SLC25A25: variants seen among roughly 807,000 people sequenced by gnomAD.
SLC25A25 encodes mitochondrial adenyl nucleotide antiporter SLC25A25.
SLC25A25 carries 32 observed loss-of-function variants against 57.7 expected under a neutral mutation model. The observed-to-expected ratio is 0.55, with a 90% CI of 0.42 to 0.74. The LOEUF (loss-of-function observed/expected upper bound fraction) is 0.74. SLC25A25 is among the 30% of genes least tolerant of loss of function. The pLI is 0.00. For missense variants in SLC25A25, 556 were observed against 701.3 expected, an observed-to-expected ratio of 0.79 and a Z score of 2.34; for synonymous variants, 306 against 291.2, an observed-to-expected ratio of 1.05 and a Z score of -0.52.
chr9:128,092,302 G>T (rs1340841549), intron 1 of SLC25A25, among the ~76,000 whole-genome samples: 4 of 152,218 alleles, frequency 2.6e-5, no homozygotes, highest in Non-Finnish European at 5.9e-5. Flanking sequence ...GCACCCCAGT[G>T]TGGCTGTTGA....
intron 1 of SLC25A25, among the ~76,000 whole-genome samples, chr9:128,080,734 C>G (rs1261320037): frequency 2.0e-5 from 3 of 152,172 alleles, no homozygotes; most frequent in Non-Finnish European, 4.4e-5. Context: ...CATTGTTGGC[C>G]TTTTCTATCC....
rs1477641531 is a variant in SLC25A25 at position 128,099,360 on chromosome 9, T to C, written c.262-1736T>C. ...GCCCTGTGAGGCAGAAGCAAGCACT[T>C]TGAGAATGCGTTGAAGCCAGCTGCG... is the stretch of plus-strand genomic sequence containing the variant. On this transcript the variant is annotated intron_variant, in intron 1 of 10. Coordinates refer to ENST00000373069, the MANE Select transcript of SLC25A25 (RefSeq NM_001330988.2). This position sits in a 1 kb window ranked among gnomAD's most constrained non-coding sequence, Gnocchi z 6.8. The C allele has an allele frequency of 1.6e-6, 2 of 1,234,754 alleles. No individual in the cohort carries two copies. The highest frequency in any genetic ancestry group is 2.1e-6 in the Non-Finnish European group (2 of 963,874). 76.5% of individuals were successfully genotyped at this position (1,234,754 alleles called of 1,614,324 possible).
At position 128,098,770 on chromosome 9, in the gene SLC25A25, T is replaced by C. The variant is rs763694616; in HGVS notation, c.262-2326T>C. On this transcript the variant is annotated intron_variant, in intron 1 of 10. Coordinates refer to ENST00000373069, the MANE Select transcript of SLC25A25 (RefSeq NM_001330988.2). ...GGAAGGGAGAGGCGCATTCAACCGG[T>C]ATTTGTTGAGTGAATGGCTGAGCAT... 1.7e-5 allele frequency: 28 copies of C among 1,600,346 alleles called. No homozygotes were observed. In the Admixed American group the frequency reaches 2.9e-4, roughly 16 times the overall value.
intron 6 of SLC25A25, among the ~76,000 whole-genome samples, chr9:128,105,063 T>A (rs535540665): frequency 1.3e-5 from 2 of 151,072 alleles, no homozygotes; most frequent in Non-Finnish European, 2.9e-5. Flanking sequence ...TTCATCATGT[T>A]GGCCAGGCTG....
In SLC25A25 at chr9:128,108,489, C is replaced by G. The variant is rs1009386654; in HGVS notation, c.*1045C>G. ...GCGCAGCGGGACCAGCCCCACATTC[C>G]ACTTGTGTCACTGCTTGGAACCTAT... On this transcript the variant is annotated 3_prime_UTR_variant, in exon 11 of 11. Transcript: ENST00000373069. The G allele has an allele frequency of 5.2e-6, 2 of 386,672 alleles. No homozygotes were observed. The highest frequency in any genetic ancestry group is 4.1e-5 in the African/African-American group (2 of 48,444). The allele number at this position is 386,672 out of a possible 1,614,324, so 24.0% of individuals were successfully genotyped here.
rs567869070 is a variant in SLC25A25, at chr9:128,077,516, T to TAAAAAAAAAAAAAAAA, written c.261+8949_261+8950insAAAAAAAAAAAAAAAA. Among the ~76,000 whole-genome samples the TAAAAAAAAAAAAAAAA allele has an allele frequency of 9.0e-4, 90 of 100,260 alleles. 8 individuals carry two copies. The highest frequency in any genetic ancestry group is 4.1e-3 in the African/African-American group (83 of 20,114). The allele number at this position is 100,260 out of a possible 152,430, so 65.8% of individuals were successfully genotyped here. A position where few individuals can be genotyped will look rare whatever the true frequency, so the allele number is the denominator to read the frequency against. On this transcript the variant is annotated intron_variant, in intron 1 of 10. Transcript: ENST00000373069. ...TGGGCGACAGAGCAAGACTCCGTCT[T>TAAAAAAAAAAAAAAAA]AAAAAAAAAAAAAGCCAGTCGCAAA...
At position 128,107,533 on chromosome 9, in the gene SLC25A25, C is replaced by A; in HGVS notation, c.*89C>A. The A allele has an allele frequency of 7.0e-7, 1 of 1,431,346 alleles. No individual in the cohort carries two copies. Among genetic ancestry groups the A allele is most frequent in the Non-Finnish European group, 9.3e-7 (1 of 1,077,030 alleles). 88.7% of individuals were successfully genotyped at this position (1,431,346 alleles called of 1,614,324 possible). On this transcript the variant is annotated 3_prime_UTR_variant, in exon 11 of 11. Transcript: ENST00000373069. The stretch of plus-strand genomic sequence containing the variant: ...ATCTCATTCTGTGAATGTGCCAACA[C>A]TAAGCTGTCTCGAGCCAAGCTGTGA...
At chr9:128,091,491 C>T (rs1833402418) in intron 1 of SLC25A25, 5 of 986,974 alleles carry the variant, frequency 5.1e-6, no homozygotes, top group Non-Finnish European at 6.0e-6. Flanking sequence ...ACTGGGAGCT[C>T]GAAGTTGCTT....
chr9:128,076,456 A>C (rs865841738), intron 1 of SLC25A25, among the ~76,000 whole-genome samples: 1 of 129,448 alleles, frequency 7.7e-6, no homozygotes, highest in Non-Finnish European at 1.5e-5. Context: ...TTTTATTTTT[A>C]TTTTTATTTT....
intron 1 of SLC25A25, among the ~76,000 whole-genome samples, chr9:128,080,018 GC>G (rs1833113470): frequency 6.6e-6 from 1 of 150,410 alleles, no homozygotes; most frequent in Non-Finnish European, 1.5e-5. Flanking sequence ...TCCTGGTGGT[GC>G]GTGCTTGTAA....
intron 1 of SLC25A25, among the ~76,000 whole-genome samples, chr9:128,092,713 C>T (rs927629818): frequency 2.6e-5 from 4 of 152,102 alleles, no homozygotes; most frequent in African/African-American, 9.7e-5. Flanking sequence ...GCGTGAGTTA[C>T]CATCCTCACA....
chr9:128,097,176 G>T (rs115314108), intron 1 of SLC25A25, among the ~76,000 whole-genome samples: 1 of 152,184 alleles, frequency 6.6e-6, no homozygotes, highest in African/African-American at 2.4e-5. Flanking sequence ...AGGAAGTGGC[G>T]CACTGTAGAA....
At chr9:128,082,146 CTG>C (rs1351900355) in intron 1 of SLC25A25, among the ~76,000 whole-genome samples, 2 of 152,182 alleles carry the variant, frequency 1.3e-5, no homozygotes, top group Non-Finnish European at 2.9e-5. Context: ...ATCCACAAGA[CTG>C]AGGGTTTTCA....
At chr9:128,070,950 CAAAAAAAAAAA>C (rs531221205) in intron 1 of SLC25A25, among the ~76,000 whole-genome samples, 1 of 57,458 alleles carries the variant, frequency 1.7e-5, no homozygotes, top group African/African-American at 5.9e-5. Flanking sequence ...AACTCCATCT[CAAAAAAAAAAA>C]AAAAAAAAAA....
At chr9:128,082,521 A>C (rs1221530655) in intron 1 of SLC25A25, among the ~76,000 whole-genome samples, 1 of 152,230 alleles carries the variant, frequency 6.6e-6, no homozygotes, top group Non-Finnish European at 1.5e-5. Flanking sequence ...CTGCCTCTGG[A>C]ATAGCCTGGC....
intron 1 of SLC25A25, chr9:128,091,575 A>C (rs1278382118): frequency 1.9e-6 from 2 of 1,064,104 alleles, no homozygotes; most frequent in African/African-American, 1.7e-5. Flanking sequence ...AAAAAGCCAA[A>C]CGTTTGCTCA....
intron 1 of SLC25A25, among the ~76,000 whole-genome samples, chr9:128,071,867 A>G (rs766211912): frequency 1.3e-5 from 2 of 150,666 alleles, no homozygotes; most frequent in Non-Finnish European, 3.0e-5. Context: ...GCCCGCCACC[A>G]TGGCCCGGCT....
At chr9:128,091,013 C>T (rs1299868836) in intron 1 of SLC25A25, 1 of 152,246 alleles carries the variant, frequency 6.6e-6, no homozygotes, top group African/African-American at 2.4e-5. Flanking sequence ...AGGTCTGTGA[C>T]TTGGTCCCTG....
chr9:128,091,321 C>A, intron 1 of SLC25A25: 2 of 548,390 alleles, frequency 3.6e-6, no homozygotes, highest in Non-Finnish European at 4.6e-6. Flanking sequence ...TGCCGGGCTT[C>A]ATGCAGGCAA....
Sources: gnomAD v4.1 joint callset for allele counts (sites outside exome capture counted in the v4.1 genomes callset) on GRCh38, gnomAD v4.1.1 for gene constraint, Gnocchi (gnomAD v3.1) non-coding constraint, MANE v1.5 for transcripts, NCBI Gene and HGNC (gene_info 2026-07-23, HGNC 2026-07-21) for gene names.